ITIH3: variants seen among roughly 807,000 people sequenced by gnomAD.
The protein encoded by ITIH3 is inter-alpha-trypsin inhibitor heavy chain H3.
A neutral mutation model predicts 96.5 loss-of-function variants in ITIH3; 81 were observed. The observed-to-expected ratio is 0.84, with a 90% CI of 0.70 to 1.01. ITIH3 has a LOEUF of 1.01. ITIH3 is among the 50% of genes least tolerant of loss of function. The pLI, the probability that ITIH3 is intolerant of heterozygous loss-of-function variation, is 0.00. For missense variants in ITIH3, 1,057 were observed against 1,139.3 expected (o/e 0.93, Z 1.04); for synonymous variants, 422 against 445.2 (o/e 0.95, Z 0.66).
At chr3:52,806,071 T>C (rs574394210) in intron 16 of ITIH3, 32 bp from the exon 17 acceptor site, 1 of 1,588,986 alleles carries the variant, frequency 6.3e-7, no homozygotes, top group Admixed American at 1.8e-5. Context: ...GCCACTTGCT[T>C]AGCTCAGCCC....
chr3:52,800,660 G>C lies in ITIH3; in HGVS notation c.1198G>C (p.Val400Leu). 6.3e-7 allele frequency: 1 copy of C among 1,598,542 alleles called. No homozygotes were observed. Among genetic ancestry groups the C allele is most frequent in the Non-Finnish European group, 8.5e-7 (1 of 1,172,740 alleles). Residue 400 changes from valine to leucine, a missense_variant, in exon 10 of 22, where the codon GTT becomes CTT. Physicochemically the swap from Val to Leu is conservative, Grantham distance 32 (BLOSUM62 1). Coordinates refer to ENST00000449956, the MANE Select transcript of ITIH3 (RefSeq NM_002217.4). ...VIMLTDGDANVGESRPEKIQE... is the reference protein window; with the variant it reads ...VIMLTDGDANLGESRPEKIQE... ...CATGCTGACTGATGGGGATGCCAAT[G>C]TTGGTGAGGAGCACGGGCATGGTTT...
chr3:52,804,630 G>T, intron 14 of ITIH3, 96 bp from the exon 15 acceptor site: 1 of 1,374,504 alleles, frequency 7.3e-7, no homozygotes, highest in South Asian at 1.2e-5. Flanking sequence ...CCACAGCCTA[G>T]GGCTGGTCGG....
At position 52,802,535 on chromosome 3, in the gene ITIH3, G is replaced by A. The variant is rs761152493; in HGVS notation, c.1569+16G>A. 64 of 1,613,436 alleles carry A rather than the reference G, an allele frequency of 4.0e-5. No individual in the cohort carries two copies. The highest frequency in any genetic ancestry group is 5.3e-5 in the Non-Finnish European group (62 of 1,179,636). On this transcript the variant is annotated intron_variant, in intron 12 of 21. Transcript: ENST00000449956. The stretch of plus-strand genomic sequence containing the variant: ...GGGCCATGGGGTGAGTGGGGACAGG[G>A]CCTGGAAGTGTGCTGGGGATGGGGT...
At chr3:52,798,518 T>C in intron 6 of ITIH3, 1 of 181,632 alleles carries the variant, frequency 5.5e-6, no homozygotes, top group Non-Finnish European at 1.2e-5. Flanking sequence ...TCCTCCTTTC[T>C]CCCTCCCCTC....
At chr3:52,804,618 G>A in intron 14 of ITIH3, 108 bp from the exon 15 acceptor site, 1 of 1,191,148 alleles carries the variant, frequency 8.4e-7, no homozygotes, top group Non-Finnish European at 1.2e-6. Flanking sequence ...CTGCTGGGAG[G>A]CCCACAGCCT....
intron 6 of ITIH3, 121 bp from the exon 7 acceptor site, chr3:52,798,844 TC>T: frequency 8.0e-7 from 1 of 1,251,322 alleles, no homozygotes; most frequent in Non-Finnish European, 1.1e-6. Flanking sequence ...CTTGCTAGCC[TC>T]TGCCCTGCCA....
rs1700145884 is a variant in ITIH3, at chr3:52,808,760, G to C, written c.*79G>C. The stretch of plus-strand genomic sequence containing the variant: ...AACATGGGCACAGAGAGGGGCCTGT[G>C]GGAGGGGCTGGGAAAATAAAGTCCA... On this transcript the variant is annotated 3_prime_UTR_variant, in exon 22 of 22. Coordinates refer to ENST00000449956, the MANE Select transcript of ITIH3 (RefSeq NM_002217.4). 1.3e-6 allele frequency: 2 copies of C among 1,537,080 alleles called. No individual in the cohort carries two copies. Among genetic ancestry groups the C allele is most frequent in the African/African-American group, 2.7e-5 (2 of 73,498 alleles).
chr3:52,802,887 G>A (rs1038708956), intron 13 of ITIH3, 81 bp downstream of exon 13: 24 of 1,513,500 alleles, frequency 1.6e-5, no homozygotes, highest in South Asian at 3.6e-5. Context: ...CAGTCCCAGC[G>A]GTCCTGCCCT....
At chr3:52,808,417 G>T (rs1411329439) in intron 21 of ITIH3, 135 bp from the exon 22 acceptor site, 10 of 1,325,306 alleles carry the variant, frequency 7.5e-6, no homozygotes, top group Non-Finnish European at 1.1e-5. Flanking sequence ...GAGTAATCAT[G>T]TAACTTCATT....
intron 13 of ITIH3, among the ~76,000 whole-genome samples, chr3:52,803,349 C>T (rs1300132843): frequency 6.8e-5 from 10 of 146,662 alleles, no homozygotes; most frequent in South Asian, 4.3e-4. Flanking sequence ...GACGGAGTCT[C>T]GCTCTGTCGC....
intron 9 of ITIH3, 100 bp downstream of exon 9, chr3:52,800,021 C>A (rs997187552): frequency 4.3e-6 from 5 of 1,166,214 alleles, no homozygotes; most frequent in East Asian, 2.4e-5. Context: ...GGTCTCAGGC[C>A]CTCTTCAGAT....
rs779136978 is a variant in ITIH3 at position 52,796,438 on chromosome 3, C to T, written c.115-43C>T. On this transcript the variant is annotated intron_variant, in intron 2 of 21. Transcript: ENST00000449956. ...GTGGCTGGGTTGCAAACCTGCTTCTCCAGTGTCCCAGTCTGGCTGATTCTC... is the reference window on the plus strand; with the variant it reads ...GTGGCTGGGTTGCAAACCTGCTTCTTCAGTGTCCCAGTCTGGCTGATTCTC... The T allele has an allele frequency of 5.1e-6, 8 of 1,583,702 alleles. No individual in the cohort carries two copies. In the South Asian group the frequency reaches 5.7e-5, roughly 11 times the overall value.
intron 1 of ITIH3, 66 bp from the exon 2 acceptor site, chr3:52,795,537 G>A: frequency 3.2e-6 from 5 of 1,552,928 alleles, no homozygotes; most frequent in Middle Eastern, 1.7e-4. Flanking sequence ...GAGCCTCCCA[G>A]GCCATGCGGC....
intron 7 of ITIH3, 109 bp from the exon 8 acceptor site, chr3:52,799,263 A>G (rs1486036336): frequency 8.7e-7 from 1 of 1,153,106 alleles, no homozygotes; most frequent in Non-Finnish European, 1.2e-6. Context: ...AGGGTGGGAT[A>G]GGAACGTCTT....
At position 52,802,750 on chromosome 3, in the gene ITIH3, G is replaced by A; in HGVS notation, c.1653G>A (p.Gly551=). ...KALQERDYIF[G]NYIERLWAYL... ...TGCAGGAGCGGGACTACATCTTCGG[G>A]AATTACATTGAGCGGCTCTGGGCCT... The change falls in exon 13 of 22, where the codon GGG becomes GGA. Residue 551 remains glycine, a synonymous_variant. Coordinates refer to ENST00000449956, the MANE Select transcript of ITIH3 (RefSeq NM_002217.4). 6.2e-7 allele frequency: 1 copy of A among 1,614,014 alleles called. No individual in the cohort carries two copies. The highest frequency in any genetic ancestry group is 1.1e-5 in the South Asian group (1 of 91,092).
chr3:52,797,820 G>T lies in ITIH3; in HGVS notation c.553G>T (p.Glu185Ter). The T allele has an allele frequency of 6.3e-7, 1 of 1,597,730 alleles. No individual in the cohort carries two copies. Among genetic ancestry groups the T allele is most frequent in the East Asian group, 2.3e-5 (1 of 44,442 alleles). The change falls in exon 6 of 22, where the codon GAG becomes TAG. Residue 185 changes from glutamate to a stop codon, truncating the protein, a stop_gained. Transcript: ENST00000449956. LOFTEE classifies it high-confidence loss of function. ...PKQLVKHFEI[E>*]VDIFEPQGIS... ...TTCCTTACTTTGGCCATTTCAGATC[G>T]AGGTAGACATCTTCGAGCCTCAGGG...
chr3:52,796,760 C>G lies in ITIH3; in HGVS notation c.303C>G (p.Tyr101Ter), dbSNP rs758918791. 10 of 1,612,678 alleles carry G rather than the reference C, an allele frequency of 6.2e-6. No individual in the cohort carries two copies. Among genetic ancestry groups the G allele is most frequent in the Non-Finnish European group, 3.4e-6 (4 of 1,179,336 alleles). Residue 101 changes from tyrosine (Y) to a stop codon, truncating the protein, a stop_gained, in exon 4 of 22, where the codon TAC becomes TAG. Transcript: ENST00000449956. LOFTEE classifies it high-confidence loss of function. ...GCAGGACCATCGACGGTGTTACCTA[C>G]CCTGGGAATGTCAAGGAGAAGGAAG... is the stretch of plus-strand genomic sequence containing the variant. ...NFTLTIDGVT[Y>*]PGNVKEKEVA... is the part of the protein sequence containing the mutation.
rs928605204 is a variant in ITIH3, at chr3:52,797,048, G to A, written c.387-57G>A. ...AGGGCTGGGCCTGGGGCCGAGGGCC[G>A]AGGAAGGGTGGGCTCCTGCAGTCTT... On this transcript the variant is annotated intron_variant, in intron 4 of 21. Transcript: ENST00000449956. The A allele has an allele frequency of 4.7e-5, 73 of 1,563,088 alleles. No individual in the cohort carries two copies. The African/African-American group carries it at 7.2e-4, about 15-fold the overall frequency.
intron 21 of ITIH3, 61 bp from the exon 22 acceptor site, chr3:52,808,491 C>T (rs138014257): frequency 0.014 from 21,511 of 1,589,920 alleles, 189 homozygotes; most frequent in Non-Finnish European, 0.016. Flanking sequence ...ATCTCAGGTC[C>T]GCTAGCCTAG....
Sources: gnomAD v4.1 joint callset for allele counts (sites outside exome capture counted in the v4.1 genomes callset) on GRCh38, gnomAD v4.1.1 for gene constraint, MANE v1.5 for transcripts, NCBI Gene and HGNC (gene_info 2026-07-23, HGNC 2026-07-21) for gene names.